The following ZDHHC15 variants were observed in gnomAD, a reference collection of about 807,000 sequenced individuals.
The protein encoded by ZDHHC15 is zDHHC palmitoyltransferase 15.
Under a neutral mutation model 31.7 loss-of-function variants are expected in ZDHHC15, and 19 were observed. The ratio of observed to expected loss-of-function variants is 0.60; its 90% CI spans 0.42 to 0.88. ZDHHC15 has a LOEUF of 0.88. Among genes scored for constraint, ZDHHC15 ranks in the 40% least tolerant of loss-of-function variants. The probability of loss-of-function intolerance (pLI) is 0.00; values close to 1 mark genes in which losing one functional copy is unlikely to be tolerated. For synonymous variants in ZDHHC15, 103 were observed against 90.0 expected (o/e 1.14, Z -0.82); for missense variants, 209 against 251.2 (o/e 0.83, Z 1.14).
At chrX:75,406,007 A>AT (rs2147805647) in intron 10 of ZDHHC15, among the ~76,000 whole-genome samples, 1 of 112,194 alleles carries the variant, frequency 8.9e-6, no homozygotes, top group African/African-American at 3.2e-5. Context: ...TTTAAAAAGT[A>AT]TTTTTTCTGA....
At chrX:75,474,317 C>T (rs1281224288) in intron 3 of ZDHHC15, among the ~76,000 whole-genome samples, 3 of 108,894 alleles carry the variant, frequency 2.8e-5, no homozygotes, top group Non-Finnish European at 5.7e-5. Context: ...CCTCAAACAT[C>T]GGACTCCAAC....
At chrX:75,446,964 AACAG>A (rs2084042157) in intron 4 of ZDHHC15, among the ~76,000 whole-genome samples, 1 of 111,426 alleles carries the variant, frequency 9.0e-6, no homozygotes, top group Admixed American at 9.5e-5. Flanking sequence ...TTAATAATCA[AACAG>A]ACAGAATGAC....
chrX:75,466,685 C>T (rs917935731), intron 3 of ZDHHC15, among the ~76,000 whole-genome samples: 5 of 111,249 alleles, frequency 4.5e-5, no homozygotes, highest in Non-Finnish European at 7.5e-5. Flanking sequence ...AAATGTGGTA[C>T]ATATACACCA....
Position 75,461,803 on chromosome X carries a change from C to G in ZDHHC15, c.259-10881G>C, listed in dbSNP as rs530336310. ...AAGCACTAAATATGGAAAGGGAAGA[C>G]TGTTACAAGTCACTACAAAAACACA... On this transcript the variant is annotated intron_variant, in intron 3 of 11. Coordinates refer to ENST00000373367, the MANE Select transcript of ZDHHC15 (RefSeq NM_144969.3). 1.2e-4 allele frequency among the ~76,000 whole-genome samples: 13 copies of G among 111,897 alleles called. 1 individual carries two copies. In the South Asian group the frequency reaches 4.8e-3, roughly 42 times the overall value.
chrX:75,453,298 A>C (rs999890234), intron 3 of ZDHHC15, among the ~76,000 whole-genome samples: 2 of 111,639 alleles, frequency 1.8e-5, no homozygotes, highest in Non-Finnish European at 1.9e-5. Flanking sequence ...AGAAGAAATG[A>C]ATAAATTCCT....
At chrX:75,498,177 G>A (rs745662133) in intron 2 of ZDHHC15, among the ~76,000 whole-genome samples, 12 of 110,001 alleles carry the variant, frequency 1.1e-4, no homozygotes, top group Non-Finnish European at 1.5e-4. Flanking sequence ...AGGTGATCCG[G>A]CTGCCTCAGC....
intron 9 of ZDHHC15, among the ~76,000 whole-genome samples, chrX:75,420,881 T>C (rs1173225524): frequency 4.5e-5 from 5 of 109,943 alleles, no homozygotes; most frequent in Non-Finnish European, 9.5e-5. Flanking sequence ...CAGCAAACCA[T>C]CATGGCACGT....
At chrX:75,471,268 C>A (rs1357075625) in intron 3 of ZDHHC15, among the ~76,000 whole-genome samples, 2 of 112,353 alleles carry the variant, frequency 1.8e-5, no homozygotes. Context: ...TATCAACTCT[C>A]TGTCTTTGTG....
At chrX:75,508,285 TCCCTCCC>T (rs1225192545) in intron 1 of ZDHHC15, among the ~76,000 whole-genome samples, 2 of 66,554 alleles carry the variant, frequency 3.0e-5, no homozygotes, top group African/African-American at 1.2e-4. Flanking sequence ...CCTAATGCTA[TCCCTCCC>T]CCCTCCCCCC....
At chrX:75,437,270 GTT>G (rs142112661) in intron 4 of ZDHHC15, among the ~76,000 whole-genome samples, 4,871 of 96,899 alleles carry the variant, frequency 0.05, 147 homozygotes, top group Non-Finnish European at 0.078. Flanking sequence ...TCTTTTTTTT[GTT>G]TTTTTTTTTT....
intron 2 of ZDHHC15, among the ~76,000 whole-genome samples, chrX:75,496,371 C>T (rs2084999795): frequency 2.7e-5 from 3 of 111,155 alleles, no homozygotes; most frequent in African/African-American, 6.5e-5. Flanking sequence ...ACTATTAGAC[C>T]TAAGAAACAA....
intron 10 of ZDHHC15, among the ~76,000 whole-genome samples, chrX:75,408,031 C>T (rs2147811773): frequency 9.1e-6 from 1 of 109,613 alleles, no homozygotes; most frequent in South Asian, 4.0e-4. Flanking sequence ...TAAGAGTCAT[C>T]ACCACTCCCT....
At chrX:75,467,580 C>T (rs1050158997) in intron 3 of ZDHHC15, among the ~76,000 whole-genome samples, 4 of 111,905 alleles carry the variant, frequency 3.6e-5, no homozygotes, top group Admixed American at 2.8e-4. Flanking sequence ...TCTTTTTACA[C>T]GTTAAAAATA....
At chrX:75,393,279 G>A (rs1374002463) in intron 10 of ZDHHC15, among the ~76,000 whole-genome samples, 1 of 111,061 alleles carries the variant, frequency 9.0e-6, no homozygotes, top group Non-Finnish European at 1.9e-5. Flanking sequence ...GTGTCTCCTG[G>A]TGGCAGTGTT....
At chrX:75,502,591 A>G in intron 2 of ZDHHC15, among the ~76,000 whole-genome samples, 1 of 111,701 alleles carries the variant, frequency 9.0e-6, no homozygotes, top group East Asian at 2.8e-4. Flanking sequence ...TTTGCAGAAG[A>G]GCAACTGTGG....
At chrX:75,485,495 T>C (rs763847994) in intron 2 of ZDHHC15, among the ~76,000 whole-genome samples, 15 of 110,502 alleles carry the variant, frequency 1.4e-4, no homozygotes, top group Non-Finnish European at 2.5e-4. Flanking sequence ...GATGTTTCCA[T>C]GTATATATAT....
At chrX:75,408,185 G>T (rs1295337740) in intron 10 of ZDHHC15, among the ~76,000 whole-genome samples, 1 of 102,253 alleles carries the variant, frequency 9.8e-6, no homozygotes, top group African/African-American at 3.5e-5. Context: ...CCCTCTCCGA[G>T]AAACACCCAA....
At chrX:75,513,342 C>T (rs1286798154) in intron 1 of ZDHHC15, among the ~76,000 whole-genome samples, 2 of 111,822 alleles carry the variant, frequency 1.8e-5, no homozygotes, top group Non-Finnish European at 3.8e-5. Context: ...ACTAAGAGTA[C>T]TCCAGACTTA....
chrX:75,419,463 G>A (rs894090512), intron 9 of ZDHHC15, among the ~76,000 whole-genome samples: 1 of 110,896 alleles, frequency 9.0e-6, no homozygotes, highest in African/African-American at 3.3e-5. Flanking sequence ...ATGCTGGAGA[G>A]GATGTGGAGA....
Sources: allele counts gnomAD v4.1 joint callset (sites outside exome capture counted in the v4.1 genomes callset), GRCh38; gene constraint gnomAD v4.1.1; transcripts MANE v1.5; gene names NCBI Gene and HGNC (gene_info 2026-07-23, HGNC 2026-07-21).